LRMDA: variants seen among roughly 807,000 people sequenced by gnomAD.
LRMDA encodes leucine rich melanocyte differentiation associated.
In LRMDA, 18 loss-of-function variants were observed where a neutral mutation model predicts 29.8. The observed-to-expected ratio is 0.60, with a 90% CI of 0.42 to 0.90. The LOEUF is 0.90. Ranked by LOEUF, LRMDA falls within the 40% of genes least tolerant of loss-of-function variation. LRMDA has a pLI of 0.00. For synonymous variants in LRMDA, 125 were observed against 109.4 expected, an observed-to-expected ratio of 1.14 and a Z score of -0.89; for missense variants, 273 against 273.9, an observed-to-expected ratio of 1.00 and a Z score of 0.02.
intron 6 of LRMDA, among the ~76,000 whole-genome samples, chr10:76,373,780 A>G (rs963520622): frequency 6.6e-6 from 1 of 152,144 alleles, no homozygotes; most frequent in South Asian, 2.1e-4. Flanking sequence ...GATGGGCTTT[A>G]TAGTTCTTTT....
intron 5 of LRMDA, among the ~76,000 whole-genome samples, chr10:76,139,669 G>A (rs184798246): frequency 9.2e-5 from 14 of 152,216 alleles, no homozygotes; most frequent in African/African-American, 3.1e-4. Flanking sequence ...TGATACTGGT[G>A]GGGAACTTGA....
chr10:75,825,751 C>T (rs138851416), intron 2 of LRMDA, among the ~76,000 whole-genome samples: 15 of 152,268 alleles, frequency 9.9e-5, no homozygotes, highest in South Asian at 2.1e-4. Flanking sequence ...TGCATCTTTT[C>T]GATCTTCTCT....
intron 2 of LRMDA, among the ~76,000 whole-genome samples, chr10:75,906,237 ACTGTTGGT>A (rs547061707): frequency 6.0e-4 from 92 of 152,324 alleles, no homozygotes; most frequent in African/African-American, 2.2e-3. Context: ...ATGTGTGAGC[ACTGTTGGT>A]TGTCAGCTTT....
At chr10:76,109,798 CTCT>C (rs899501397) in intron 5 of LRMDA, among the ~76,000 whole-genome samples, 2 of 152,128 alleles carry the variant, frequency 1.3e-5, no homozygotes, top group African/African-American at 4.8e-5. Flanking sequence ...CTTTGTTCAC[CTCT>C]TCTTTTTCGA....
At chr10:75,824,922 G>A (rs999540020) in intron 2 of LRMDA, among the ~76,000 whole-genome samples, 2 of 152,192 alleles carry the variant, frequency 1.3e-5, no homozygotes, top group Admixed American at 6.5e-5. Flanking sequence ...TGACCCCAAT[G>A]AGCAGCCATA....
chr10:76,158,846 G>A (rs7923070), intron 5 of LRMDA, among the ~76,000 whole-genome samples: 66,598 of 151,882 alleles, frequency 0.44, 15,188 homozygotes, highest in East Asian at 0.77. Context: ...TATTCATAAA[G>A]TAACATTACA....
chr10:76,523,551 C>T (rs957884197), intron 6 of LRMDA, among the ~76,000 whole-genome samples: 1 of 151,834 alleles, frequency 6.6e-6, no homozygotes, highest in African/African-American at 2.4e-5. Flanking sequence ...TTCTACTTCT[C>T]TGCCACTTGC....
At chr10:75,748,109 T>C (rs1213845517) in intron 2 of LRMDA, among the ~76,000 whole-genome samples, 1 of 152,130 alleles carries the variant, frequency 6.6e-6, no homozygotes, top group Non-Finnish European at 1.5e-5. Flanking sequence ...ATTTTTTTTT[T>C]CCAGACAGAG....
At chr10:75,720,491 T>C (rs1178701956) in intron 2 of LRMDA, among the ~76,000 whole-genome samples, 1 of 152,238 alleles carries the variant, frequency 6.6e-6, no homozygotes, top group African/African-American at 2.4e-5. Context: ...GCAGCTTTGT[T>C]TTCCTGTGCC....
intron 2 of LRMDA, among the ~76,000 whole-genome samples, chr10:75,997,129 A>T (rs1292758059): frequency 6.6e-6 from 1 of 152,192 alleles, no homozygotes; most frequent in Non-Finnish European, 1.5e-5. Flanking sequence ...GAAGGAAATT[A>T]AGGTTGCCTG....
intron 2 of LRMDA, among the ~76,000 whole-genome samples, chr10:76,024,848 C>G (rs1373500207): frequency 6.6e-6 from 1 of 152,206 alleles, no homozygotes; most frequent in Admixed American, 6.5e-5. Flanking sequence ...TGTTATCTTT[C>G]AAGCAAACAG....
At chr10:76,342,395 AATAG>A (rs1206889980) in intron 6 of LRMDA, among the ~76,000 whole-genome samples, 3 of 152,148 alleles carry the variant, frequency 2.0e-5, no homozygotes, top group African/African-American at 7.2e-5. Context: ...ATTAGAGGAA[AATAG>A]ATAGCTTGAA....
intron 6 of LRMDA, among the ~76,000 whole-genome samples, chr10:76,516,583 G>A (rs1589222077): frequency 6.6e-6 from 1 of 152,048 alleles, no homozygotes; most frequent in African/African-American, 2.4e-5. Flanking sequence ...CTATGAGTGA[G>A]AACATGCAGT....
intron 2 of LRMDA, among the ~76,000 whole-genome samples, chr10:75,453,175 G>A (rs754697115): frequency 7.2e-5 from 11 of 152,158 alleles, no homozygotes; most frequent in Non-Finnish European, 1.2e-4. Context: ...CTCCAACAGG[G>A]CATCCTTCTG....
chr10:75,540,350 A>G (rs750648904), intron 2 of LRMDA, among the ~76,000 whole-genome samples: 27 of 152,236 alleles, frequency 1.8e-4, no homozygotes, highest in Admixed American at 5.2e-4. Context: ...TACAACACCA[A>G]TGGTGGGCAT....
intron 5 of LRMDA, among the ~76,000 whole-genome samples, chr10:76,085,442 C>T (rs1005885508): frequency 6.6e-6 from 1 of 152,156 alleles, no homozygotes. Flanking sequence ...CCAGCAGTCC[C>T]CTGGAGCAGC....
chr10:76,028,176 A>G (rs1487190831), intron 2 of LRMDA, among the ~76,000 whole-genome samples: 5 of 152,178 alleles, frequency 3.3e-5, no homozygotes, highest in African/African-American at 9.6e-5. Flanking sequence ...AAAATCTAAG[A>G]AAAGGATATA....
chr10:76,183,564 C>T (rs899869991), intron 5 of LRMDA, among the ~76,000 whole-genome samples: 48 of 152,262 alleles, frequency 3.2e-4, no homozygotes, highest in African/African-American at 1.1e-3. Context: ...GTTGGGACAA[C>T]GTCACCACTG....
At chr10:76,285,615 CT>C (rs1840262401) in intron 5 of LRMDA, among the ~76,000 whole-genome samples, 1 of 152,028 alleles carries the variant, frequency 6.6e-6, no homozygotes, top group African/African-American at 2.4e-5. Context: ...TTTTATGCCC[CT>C]GAGGGTCTTT....
Sources: allele counts gnomAD v4.1 joint callset (sites outside exome capture counted in the v4.1 genomes callset), GRCh38; gene constraint gnomAD v4.1.1; transcripts MANE v1.5; gene names NCBI Gene and HGNC (gene_info 2026-07-23, HGNC 2026-07-21).